NR3C1: variants seen among roughly 807,000 people sequenced by gnomAD.
The protein encoded by NR3C1 is glucocorticoid receptor.
Under a neutral mutation model 74.0 loss-of-function variants are expected in NR3C1, and 14 were observed. The observed-to-expected ratio is 0.19, with a 90% CI of 0.12 to 0.30. NR3C1 has a LOEUF of 0.30. Among genes scored for constraint, NR3C1 ranks in the 10% least tolerant of loss-of-function variants. The probability of loss-of-function intolerance (pLI) is 1.00; values close to 1 mark genes in which losing one functional copy is unlikely to be tolerated. For synonymous variants in NR3C1, 308 were observed against 332.5 expected, an observed-to-expected ratio of 0.93 and a Z score of 0.80; for missense variants, 695 against 909.8, an observed-to-expected ratio of 0.76 and a Z score of 3.04.
In NR3C1 at chr5:143,300,725, CCTG is replaced by C; in HGVS notation, c.1504_1506del (p.Gln502del). 6.2e-7 allele frequency: 1 copy of C among 1,613,884 alleles called. No individual in the cohort carries two copies. Among genetic ancestry groups the C allele is most frequent in the Non-Finnish European group, 8.5e-7 (1 of 1,179,938 alleles). On this transcript the variant is annotated inframe_deletion, in exon 5 of 9. Transcript: ENST00000394464. This position sits in a 1 kb window ranked among gnomAD's most constrained non-coding sequence, Gnocchi z 5.2. ...GTTTCTTGTGAGACTCCTGTAGTGG[CCTG>C]CTGAATTCCTTTTATTTTTTTCTTT...
intron 2 of NR3C1, among the ~76,000 whole-genome samples, chr5:143,351,614 A>G (rs1830235501): frequency 6.6e-6 from 1 of 152,200 alleles, no homozygotes; most frequent in Non-Finnish European, 1.5e-5. Flanking sequence ...CATGGCTTAC[A>G]GAGAAAAAAA....
chr5:143,293,701 T>C (rs1816462525), intron 7 of NR3C1, among the ~76,000 whole-genome samples: 2 of 152,202 alleles, frequency 1.3e-5, no homozygotes, highest in Non-Finnish European at 2.9e-5. Context: ...GGAGGTTATA[T>C]ACCTATTCCA....
At chr5:143,313,835 T>C (rs1368343826) in intron 3 of NR3C1, among the ~76,000 whole-genome samples, 167 bp downstream of exon 3, 1 of 152,204 alleles carries the variant, frequency 6.6e-6, no homozygotes, top group Non-Finnish European at 1.5e-5. Flanking sequence ...TGTATTGTTG[T>C]TTTAAATACT....
chr5:143,360,553 T>C (rs1832034754), intron 2 of NR3C1, among the ~76,000 whole-genome samples: 1 of 152,254 alleles, frequency 6.6e-6, no homozygotes, highest in African/African-American at 2.4e-5. Context: ...TATCAGACTT[T>C]TATCTTTGTT....
chr5:143,332,639 C>G, intron 2 of NR3C1: 1 of 1,552,352 alleles, frequency 6.4e-7, no homozygotes. Flanking sequence ...GAAAAGGGCT[C>G]AGGTTTAAGC....
At chr5:143,342,143 A>T (rs1369270292) in intron 2 of NR3C1, among the ~76,000 whole-genome samples, 1 of 152,156 alleles carries the variant, frequency 6.6e-6, no homozygotes, top group Non-Finnish European at 1.5e-5. Context: ...AAAAAAACCA[A>T]GAAACTATTA....
intron 3 of NR3C1, among the ~76,000 whole-genome samples, chr5:143,312,899 CT>C (rs1253723746): frequency 6.6e-6 from 1 of 152,166 alleles, no homozygotes; most frequent in Non-Finnish European, 1.5e-5. Context: ...CTGGGCTTTA[CT>C]TTTGACTCTA....
chr5:143,286,441 A>G (rs1021188779), intron 7 of NR3C1, among the ~76,000 whole-genome samples: 1 of 152,196 alleles, frequency 6.6e-6, no homozygotes, highest in African/African-American at 2.4e-5. Flanking sequence ...ATGAAAGGCT[A>G]GTCAATTACT....
chr5:143,404,422 A>G, upstream of NR3C1: 1 of 985,328 alleles, frequency 1.0e-6, no homozygotes, highest in Non-Finnish European at 1.2e-6. Flanking sequence ...CCACCACCGC[A>G]TCATCTGGGC....
intron 7 of NR3C1, among the ~76,000 whole-genome samples, chr5:143,289,302 A>T (rs1748830245): frequency 6.6e-6 from 1 of 152,168 alleles, no homozygotes; most frequent in African/African-American, 2.4e-5. Flanking sequence ...GTAGACCCAC[A>T]CATATACAAA....
chr5:143,288,441 T>TAATTA (rs1815067629), intron 7 of NR3C1, among the ~76,000 whole-genome samples: 1 of 151,946 alleles, frequency 6.6e-6, no homozygotes, highest in South Asian at 2.1e-4. Context: ...TTTAAGATGT[T>TAATTA]AATTATTTTC....
chr5:143,350,231 A>C (rs1442813120), intron 2 of NR3C1, among the ~76,000 whole-genome samples: 1 of 152,134 alleles, frequency 6.6e-6, no homozygotes, highest in South Asian at 2.1e-4. Context: ...GCAGTATAGA[A>C]TATAGATTGA....
Position 143,325,614 on chromosome 5 carries a change from T to G in NR3C1, c.1185-11446A>C, listed in dbSNP as rs377455287. Among the ~76,000 whole-genome samples the G allele has an allele frequency of 8.5e-5, 13 of 152,360 alleles. No homozygotes were observed. The South Asian group carries it at 2.7e-3, about 32-fold the overall frequency. ...ATGCTGGAATATTGTTACAATTGTTTTATTTTATTATTAGTTACTATTACT... is the reference window on the plus strand; with the variant it reads ...ATGCTGGAATATTGTTACAATTGTTGTATTTTATTATTAGTTACTATTACT... On this transcript the variant is annotated intron_variant, in intron 2 of 8. Coordinates refer to ENST00000394464, the MANE Select transcript of NR3C1 (RefSeq NM_000176.3).
rs1295485867 is a variant in NR3C1 at position 143,279,453 on chromosome 5, A to AAACTT, written c.*2431_*2435dup. The AAACTT allele has an allele frequency of 6.0e-6, 9 of 1,489,582 alleles. No homozygotes were observed. In the East Asian group the frequency reaches 2.1e-4, roughly 35 times the overall value. The allele number at this position is 1,489,582 out of a possible 1,614,324, so 92.3% of individuals were successfully genotyped here. ...ATCTACGTTTTAGAAGCTCTTTTTGAAACTTAACACTGTCATTGATAAGAA... is the reference window on the plus strand; with the variant it reads ...ATCTACGTTTTAGAAGCTCTTTTTGAAACTTAACTTAACACTGTCATTGATAAGAA... On this transcript the variant is annotated 3_prime_UTR_variant, in exon 9 of 9. Transcript: ENST00000394464.
intron 1 of NR3C1, among the ~76,000 whole-genome samples, chr5:143,429,974 C>T (rs539849556): frequency 9.9e-5 from 15 of 151,368 alleles, no homozygotes; most frequent in Admixed American, 3.3e-4. Flanking sequence ...CCCTGTTACT[C>T]GGGAGGCTGA....
In NR3C1 at chr5:143,290,728, C is replaced by T. The variant is rs376404613; in HGVS notation, c.2023+4732G>A. The stretch of plus-strand genomic sequence containing the variant: ...GATAACAGGCATGCACCACCACACC[C>T]GGCTTTTTATAGTTTTAGTAGAGTC... On this transcript the variant is annotated intron_variant, in intron 7 of 8. Coordinates refer to ENST00000394464, the MANE Select transcript of NR3C1 (RefSeq NM_000176.3). Among the ~76,000 whole-genome samples, 73 of 152,008 alleles carry T rather than the reference C, an allele frequency of 4.8e-4. No homozygotes were observed. In the South Asian group the frequency reaches 0.01, roughly 21 times the overall value.
chr5:143,332,977 T>C (rs1333389072), intron 2 of NR3C1: 14 of 1,588,052 alleles, frequency 8.8e-6, no homozygotes, highest in African/African-American at 4.0e-5. Flanking sequence ...CAAGCCAAGG[T>C]CAAGAATAAG....
intron 1 of NR3C1, chr5:143,409,253 G>A (rs1380601872): frequency 1.3e-5 from 2 of 152,152 alleles, no homozygotes; most frequent in Non-Finnish European, 2.9e-5. Flanking sequence ...TTAAAGAAAG[G>A]ACATAAGACA....
At chr5:143,387,149 G>T (rs1194932766) in intron 2 of NR3C1, among the ~76,000 whole-genome samples, 2 of 152,162 alleles carry the variant, frequency 1.3e-5, no homozygotes, top group African/African-American at 4.8e-5. Flanking sequence ...GCTTCTCAGG[G>T]AACAGAAACT....
Sources: gnomAD v4.1 joint callset for allele counts (sites outside exome capture counted in the v4.1 genomes callset) on GRCh38, gnomAD v4.1.1 for gene constraint, Gnocchi (gnomAD v3.1) non-coding constraint, MANE v1.5 for transcripts, NCBI Gene and HGNC (gene_info 2026-07-23, HGNC 2026-07-21) for gene names.